Variants in TNFSF4 observed in about 807,000 individuals in gnomAD.
TNFSF4 encodes TNF superfamily member 4.
A neutral mutation model predicts 7.3 loss-of-function variants in TNFSF4; 4 were observed. That is an observed-to-expected ratio of 0.55 (90% CI 0.27 to 1.25). The LOEUF is 1.25. Among genes scored for constraint, TNFSF4 ranks in the 50% most tolerant of loss-of-function variants. The pLI is 0.12. For synonymous variants in TNFSF4, 76 were observed against 83.7 expected (o/e 0.91, Z 0.50); for missense variants, 181 against 208.8 (o/e 0.87, Z 0.82).
chr1:173,209,536 ACTCTGTTGCCCAGG>A (rs1650305997), upstream of TNFSF4, among the ~76,000 whole-genome samples: 1 of 152,054 alleles, frequency 6.6e-6, no homozygotes, highest in Non-Finnish European at 1.5e-5. Context: ...ACAGGGTCTC[ACTCTGTTGCCCAGG>A]CTGGAGTAGA....
At chr1:173,341,433 T>C in the TNFSF4 span, among the ~76,000 whole-genome samples, 3 of 152,134 alleles carry the variant, frequency 2.0e-5, no homozygotes, top group Non-Finnish European at 4.4e-5. Flanking sequence ...CAACTGTATA[T>C]AGCACAGGCC....
At chr1:173,371,570 A>C in the TNFSF4 span, among the ~76,000 whole-genome samples, 1 of 152,182 alleles carries the variant, frequency 6.6e-6, no homozygotes, top group Non-Finnish European at 1.5e-5. Flanking sequence ...ATAAAGGGTT[A>C]CAGGATATTG....
At chr1:173,397,968 G>A in the TNFSF4 span, among the ~76,000 whole-genome samples, 1 of 152,174 alleles carries the variant, frequency 6.6e-6, no homozygotes, top group African/African-American at 2.4e-5. Flanking sequence ...TCCAATTATA[G>A]TTACTATAAC....
downstream of TNFSF4, among the ~76,000 whole-genome samples, chr1:173,180,434 GGATA>G (rs1649035586): frequency 6.6e-6 from 1 of 152,054 alleles, no homozygotes; most frequent in African/African-American, 2.4e-5. Flanking sequence ...GTGGATGAAT[GGATA>G]AAGTATCATT....
the TNFSF4 span, among the ~76,000 whole-genome samples, chr1:173,426,290 C>T: frequency 6.6e-6 from 1 of 152,138 alleles, no homozygotes; most frequent in Admixed American, 6.5e-5. Context: ...GATATGGGAA[C>T]TTCAGAAAAA....
the TNFSF4 span, among the ~76,000 whole-genome samples, chr1:173,226,346 C>T: frequency 2.7e-3 from 409 of 152,302 alleles, no homozygotes; most frequent in Admixed American, 3.7e-3. Flanking sequence ...CACCTTCTAT[C>T]TTACTTGTTC....
intron 1 of TNFSF4, among the ~76,000 whole-genome samples, chr1:173,193,507 TGAAGA>T (rs1649569692): frequency 6.6e-6 from 1 of 152,194 alleles, no homozygotes; most frequent in South Asian, 2.1e-4. Context: ...CTCACAGAAG[TGAAGA>T]GATTTGATGC....
chr1:173,301,395 TG>T, the TNFSF4 span, among the ~76,000 whole-genome samples: 1 of 151,856 alleles, frequency 6.6e-6, no homozygotes, highest in Non-Finnish European at 1.5e-5. Flanking sequence ...GTCTAAAAAA[TG>T]GAGTTATTCT....
At chr1:173,196,473 C>A (rs960144298) in intron 1 of TNFSF4, among the ~76,000 whole-genome samples, 3 of 152,176 alleles carry the variant, frequency 2.0e-5, no homozygotes, top group Admixed American at 6.5e-5. Flanking sequence ...ACTGTATATC[C>A]TGCGTGATAT....
the TNFSF4 span, among the ~76,000 whole-genome samples, chr1:173,337,678 T>G: frequency 6.6e-6 from 1 of 152,220 alleles, no homozygotes; most frequent in Non-Finnish European, 1.5e-5. Flanking sequence ...GACAGAACTT[T>G]GAGCAATGCT....
the TNFSF4 span, among the ~76,000 whole-genome samples, chr1:173,366,783 C>G: frequency 9.7e-6 from 1 of 103,036 alleles, no homozygotes; most frequent in African/African-American, 4.2e-5. Context: ...AAAATTAAAA[C>G]TTAAAAATTA....
At chr1:173,412,123 A>AAAG in the TNFSF4 span, among the ~76,000 whole-genome samples, 12 of 151,556 alleles carry the variant, frequency 7.9e-5, no homozygotes, top group African/African-American at 2.7e-4. Flanking sequence ...TCAAGAAAAA[A>AAAG]AAAAAAAAAA....
chr1:173,322,627 C>T, the TNFSF4 span, among the ~76,000 whole-genome samples: 1 of 152,102 alleles, frequency 6.6e-6, no homozygotes, highest in Non-Finnish European at 1.5e-5. Context: ...CAGGGAATTC[C>T]CTTTCCTAGT....
the TNFSF4 span, among the ~76,000 whole-genome samples, chr1:173,416,473 T>G: frequency 2.0e-5 from 3 of 151,946 alleles, no homozygotes; most frequent in Middle Eastern, 6.8e-3. Flanking sequence ...CTGTGGAGGG[T>G]GGGCAGTGGC....
chr1:173,394,303 A>G, the TNFSF4 span, among the ~76,000 whole-genome samples: 1 of 151,674 alleles, frequency 6.6e-6, no homozygotes, highest in Admixed American at 6.6e-5. Flanking sequence ...TCCTGACTTG[A>G]GGACTGCAGG....
At chr1:173,322,561 C>A in the TNFSF4 span, among the ~76,000 whole-genome samples, 1 of 152,136 alleles carries the variant, frequency 6.6e-6, no homozygotes, top group Non-Finnish European at 1.5e-5. Context: ...GTGCAGCACA[C>A]TGTGCATGAG....
the TNFSF4 span, among the ~76,000 whole-genome samples, chr1:173,330,378 AAGTT>A: frequency 6.6e-6 from 1 of 151,306 alleles, no homozygotes; most frequent in East Asian, 1.9e-4. Context: ...TATTAATACT[AAGTT>A]AATATTAATA....
the TNFSF4 span, among the ~76,000 whole-genome samples, chr1:173,359,510 TAAAAAAAAAA>T: frequency 7.0e-4 from 86 of 122,734 alleles, no homozygotes; most frequent in African/African-American, 2.5e-3. Context: ...TTACCAGCTG[TAAAAAAAAAA>T]AAAAAAAAAA....
chr1:173,327,373 A>C, the TNFSF4 span, among the ~76,000 whole-genome samples: 2 of 152,154 alleles, frequency 1.3e-5, no homozygotes, highest in Admixed American at 6.5e-5. Context: ...TAAAGACTTA[A>C]ATGTTAGACC....
Sources: gnomAD v4.1 joint callset for allele counts (sites outside exome capture counted in the v4.1 genomes callset) on GRCh38, gnomAD v4.1.1 for gene constraint, MANE v1.5 for transcripts, NCBI Gene and HGNC (gene_info 2026-07-23, HGNC 2026-07-21) for gene names.